ARHGEF28: variants seen among roughly 807,000 people sequenced by gnomAD.
ARHGEF28 encodes Rho guanine nucleotide exchange factor 28.
Under a neutral mutation model 206.6 loss-of-function variants are expected in ARHGEF28, and 152 were observed. That is an observed-to-expected ratio of 0.74 (90% CI 0.64 to 0.84). ARHGEF28 has a LOEUF of 0.84. Among genes scored for constraint, ARHGEF28 ranks in the 40% least tolerant of loss-of-function variants. The probability of loss-of-function intolerance (pLI) is 0.00; values close to 1 mark genes in which losing one functional copy is unlikely to be tolerated. For synonymous variants in ARHGEF28, 763 were observed against 776.4 expected (o/e 0.98, Z 0.29); for missense variants, 2,028 against 2,073.2 (o/e 0.98, Z 0.42).
chr5:73,904,148 C>T lies in ARHGEF28; in HGVS notation c.4075-74C>T, dbSNP rs372104247. Reference sequence around the variant, plus strand: ...GCAAAGTGATTTACCCAAGGTCATACATTTTGGGACACTGCAGGGCAGCTT... The same window carrying T: ...GCAAAGTGATTTACCCAAGGTCATATATTTTGGGACACTGCAGGGCAGCTT... On this transcript the variant is annotated intron_variant, in intron 31 of 35. Transcript: ENST00000513042. 3.5e-4 allele frequency: 508 copies of T among 1,440,888 alleles called. 1 individual carries two copies. The highest frequency in any genetic ancestry group is 4.7e-4 in the Non-Finnish European group (479 of 1,025,506). 89.3% of individuals were successfully genotyped at this position (1,440,888 alleles called of 1,614,324 possible). A position where few individuals can be genotyped will look rare whatever the true frequency, so the allele number is the denominator to read the frequency against.
chr5:73,873,319 C>G (rs973895684), intron 22 of ARHGEF28, 73 bp downstream of exon 22: 2 of 1,479,032 alleles, frequency 1.4e-6, no homozygotes, highest in African/African-American at 2.8e-5. Flanking sequence ...CTTTCATCAA[C>G]AAGAGTAAAA....
chr5:73,812,623 G>A (rs185970014), intron 9 of ARHGEF28, among the ~76,000 whole-genome samples: 1 of 152,216 alleles, frequency 6.6e-6, no homozygotes, highest in African/African-American at 2.4e-5. Flanking sequence ...ACGATTTATG[G>A]GGAGGCAGTA....
At chr5:73,844,578 A>G (rs960670291) in intron 11 of ARHGEF28, among the ~76,000 whole-genome samples, 8 of 151,488 alleles carry the variant, frequency 5.3e-5, no homozygotes, top group Admixed American at 2.0e-4. Flanking sequence ...AATAACCTAA[A>G]CAGGTTAATT....
intron 2 of ARHGEF28, among the ~76,000 whole-genome samples, chr5:73,743,401 T>C (rs532492504): frequency 6.6e-6 from 1 of 152,306 alleles, no homozygotes; most frequent in South Asian, 2.1e-4. Flanking sequence ...TTATTCCTGG[T>C]TGTTTTCAGC....
Position 73,750,006 on chromosome 5 carries a change from G to T in ARHGEF28, c.181+22G>T, listed in dbSNP as rs1214525867. 3.7e-6 allele frequency: 6 copies of T among 1,610,170 alleles called. No individual in the cohort carries two copies. The Admixed American group carries it at 1.0e-4, about 27-fold the overall frequency. On this transcript the variant is annotated intron_variant, in intron 3 of 35. Coordinates refer to ENST00000513042, the MANE Select transcript of ARHGEF28 (RefSeq NM_001177693.2). ...CCAGGTGAGGTGTCCTCTTTGTTGT[G>T]CAGCTGGGAAATTAGTCTGCAAATA...
intron 9 of ARHGEF28, among the ~76,000 whole-genome samples, chr5:73,824,539 G>A (rs979965912): frequency 6.6e-6 from 1 of 151,208 alleles, no homozygotes; most frequent in African/African-American, 2.4e-5. Flanking sequence ...GCATGATCTC[G>A]GCTCACTGCA....
intron 35 of ARHGEF28, among the ~76,000 whole-genome samples, chr5:73,926,976 T>C (rs896128960): frequency 4.7e-4 from 72 of 152,062 alleles, no homozygotes; most frequent in Non-Finnish European, 9.6e-4. Context: ...TAAAGAGGAG[T>C]TAATTACATG....
chr5:73,775,760 CT>C (rs1471541984), intron 5 of ARHGEF28, among the ~76,000 whole-genome samples: 1 of 152,178 alleles, frequency 6.6e-6, no homozygotes, highest in Non-Finnish European at 1.5e-5. Flanking sequence ...TTTACTGTTA[CT>C]ATTACAGGAC....
chr5:73,661,180 A>G (rs1745577428), intron 1 of ARHGEF28, among the ~76,000 whole-genome samples: 1 of 152,234 alleles, frequency 6.6e-6, no homozygotes, highest in African/African-American at 2.4e-5. Flanking sequence ...CTACATCAGA[A>G]CTTGCTTCCC....
At chr5:73,857,037 C>A (rs923162323) in intron 14 of ARHGEF28, among the ~76,000 whole-genome samples, 4 of 152,036 alleles carry the variant, frequency 2.6e-5, no homozygotes, top group Non-Finnish European at 4.4e-5. Flanking sequence ...GGTACAGTTA[C>A]CTCTACCTTG....
chr5:73,796,796 A>C (rs1561410652), intron 9 of ARHGEF28, among the ~76,000 whole-genome samples: 1 of 152,222 alleles, frequency 6.6e-6, no homozygotes, highest in Non-Finnish European at 1.5e-5. Context: ...AAAAGAGAGC[A>C]AACATCTCTG....
intron 9 of ARHGEF28, among the ~76,000 whole-genome samples, chr5:73,796,154 A>T (rs1278215731): frequency 6.6e-6 from 1 of 152,230 alleles, no homozygotes; most frequent in African/African-American, 2.4e-5. Flanking sequence ...GGGTGTTTGA[A>T]GATACAGGCT....
chr5:73,936,714 TCA>T (rs1283169554), intron 35 of ARHGEF28, among the ~76,000 whole-genome samples: 1 of 152,194 alleles, frequency 6.6e-6, no homozygotes, highest in East Asian at 1.9e-4. Flanking sequence ...GGCACTTGGT[TCA>T]TTTTATTATT....
chr5:73,887,954 T>A (rs147990697), intron 26 of ARHGEF28, among the ~76,000 whole-genome samples: 1 of 152,336 alleles, frequency 6.6e-6, no homozygotes, highest in East Asian at 1.9e-4. Flanking sequence ...CAGTAGTGGT[T>A]GGTGAACAGG....
At chr5:73,671,919 C>A (rs1159152303) in intron 1 of ARHGEF28, among the ~76,000 whole-genome samples, 1 of 151,114 alleles carries the variant, frequency 6.6e-6, no homozygotes, top group Non-Finnish European at 1.5e-5. Context: ...CCACACCTGG[C>A]TAATTTTTTG....
At chr5:73,631,809 C>T (rs900417713) in intron 1 of ARHGEF28, among the ~76,000 whole-genome samples, 1 of 152,118 alleles carries the variant, frequency 6.6e-6, no homozygotes, top group Non-Finnish European at 1.5e-5. Context: ...CCTAGTGGGC[C>T]CCTTTTCCTC....
At chr5:73,832,902 A>G (rs1388411483) in intron 10 of ARHGEF28, among the ~76,000 whole-genome samples, 1 of 152,242 alleles carries the variant, frequency 6.6e-6, no homozygotes, top group African/African-American at 2.4e-5. Context: ...TACTTGCTTA[A>G]TCGATACAAC....
intron 2 of ARHGEF28, among the ~76,000 whole-genome samples, chr5:73,740,679 T>C (rs1751326059): frequency 6.6e-6 from 1 of 152,218 alleles, no homozygotes; most frequent in Non-Finnish European, 1.5e-5. Flanking sequence ...GTTCTTCATA[T>C]GACAGCATGC....
chr5:73,739,922 C>T (rs1751267719), intron 2 of ARHGEF28, among the ~76,000 whole-genome samples: 1 of 149,010 alleles, frequency 6.7e-6, no homozygotes, highest in South Asian at 2.1e-4. Context: ...AATTCCAGCG[C>T]TTTGGGAGGT....
Sources: gnomAD v4.1 joint callset for allele counts (sites outside exome capture counted in the v4.1 genomes callset) on GRCh38, gnomAD v4.1.1 for gene constraint, MANE v1.5 for transcripts, NCBI Gene and HGNC (gene_info 2026-07-23, HGNC 2026-07-21) for gene names.